Variants in RYR3 observed in about 807,000 individuals in gnomAD.
RYR3 encodes the protein ryanodine receptor 3, also known as brain ryanodine receptor-calcium release channel.
Under a neutral mutation model 584.3 loss-of-function variants are expected in RYR3, and 207 were observed. The ratio of observed to expected loss-of-function variants is 0.35; its 90% confidence interval spans 0.32 to 0.40. The LOEUF is 0.40. Ranked by LOEUF, RYR3 falls within the 10% of genes least tolerant of loss-of-function variation. The pLI, the probability that RYR3 is intolerant of heterozygous loss-of-function variation, is 1.00. For synonymous variants in RYR3, 2,416 were observed against 2,248.5 expected (o/e 1.07, Z -2.11); for missense variants, 5,616 against 6,089.2 (o/e 0.92, Z 2.59).
chr15:33,357,049 A>G (rs898819834), intron 1 of RYR3, among the ~76,000 whole-genome samples: 4 of 151,990 alleles, frequency 2.6e-5, no homozygotes, highest in African/African-American at 9.7e-5. Context: ...TCACTTGTCT[A>G]TCTCACCTGC....
intron 27 of RYR3, among the ~76,000 whole-genome samples, chr15:33,636,824 G>T (rs1347104322): frequency 1.3e-5 from 2 of 152,214 alleles, no homozygotes; most frequent in South Asian, 4.1e-4. Flanking sequence ...GGCATTTTAA[G>T]ATTCTCCAGG....
At chr15:33,503,362 C>CTG (rs149795411) in intron 2 of RYR3, among the ~76,000 whole-genome samples, 2,338 of 152,276 alleles carry the variant, frequency 0.015, 60 homozygotes, top group African/African-American at 0.054. Flanking sequence ...AAGGCTATAT[C>CTG]TGTGTTCTTC....
At position 33,552,438 on chromosome 15, in the gene RYR3, C is replaced by T. The variant is rs190705842; in HGVS notation, c.972+2122C>T. ...GCATGGGTGGAAAGTCGTCATGGTA[C>T]CACGGGGGCCATCGGCATAGCAGAG... On this transcript the variant is annotated intron_variant, in intron 10 of 103. Transcript: ENST00000634891. 2.0e-5 allele frequency among the ~76,000 whole-genome samples: 3 copies of T among 152,284 alleles called. No homozygotes were observed. The East Asian group carries it at 5.8e-4, about 29-fold the overall frequency.
At chr15:33,459,639 T>A (rs2047852536) in intron 1 of RYR3, among the ~76,000 whole-genome samples, 2 of 151,994 alleles carry the variant, frequency 1.3e-5, no homozygotes, top group Non-Finnish European at 2.9e-5. Flanking sequence ...CACCAAGACT[T>A]TGGGTATCAC....
chr15:33,318,505 G>A (rs890630532), intron 1 of RYR3, among the ~76,000 whole-genome samples: 1 of 152,202 alleles, frequency 6.6e-6, no homozygotes, highest in East Asian at 1.9e-4. Flanking sequence ...GAATTGGGTT[G>A]GAGAAAGGTG....
At chr15:33,408,452 G>T (rs1298874965) in intron 1 of RYR3, among the ~76,000 whole-genome samples, 3 of 152,158 alleles carry the variant, frequency 2.0e-5, no homozygotes, top group African/African-American at 7.2e-5. Flanking sequence ...TGTGAATAGT[G>T]CTGTGATAAA....
rs1555401713 is a variant in RYR3 at position 33,669,857 on chromosome 15, G to GGGGGT, written c.5722+402_5722+403insGGGTG. Among the ~76,000 whole-genome samples the GGGGGT allele has an allele frequency of 2.8e-4, 17 of 60,248 alleles. 1 individual carries two copies. Among genetic ancestry groups the GGGGGT allele is most frequent in the East Asian group, 4.8e-4 (1 of 2,074 alleles). The allele number at this position is 60,248 out of a possible 152,430, so 39.5% of individuals were successfully genotyped here. On this transcript the variant is annotated intron_variant, in intron 37 of 103. Transcript: ENST00000634891. ...GTGTGTGTGTGTGGGGGGGGGGGGG[G>GGGGGT]GTGTGGGTGTGTGGGTGTGTGTGGT...
chr15:33,526,366 C>G (rs187273500), intron 3 of RYR3, among the ~76,000 whole-genome samples: 16 of 152,292 alleles, frequency 1.1e-4, no homozygotes, highest in South Asian at 1.0e-3. Context: ...CGAGATGGAA[C>G]CAAATATTTT....
At chr15:33,511,470 G>A (rs907170379) in intron 3 of RYR3, among the ~76,000 whole-genome samples, 5 of 151,640 alleles carry the variant, frequency 3.3e-5, no homozygotes, top group South Asian at 2.1e-4. Context: ...GTGATCTCTC[G>A]GAATGGGTAT....
At chr15:33,723,638 G>A (rs186992421) in intron 44 of RYR3, among the ~76,000 whole-genome samples, 11 of 152,222 alleles carry the variant, frequency 7.2e-5, no homozygotes, top group Non-Finnish European at 1.3e-4. Flanking sequence ...ATACGCTTTC[G>A]CCACTTCCTC....
intron 10 of RYR3, among the ~76,000 whole-genome samples, chr15:33,555,678 A>G (rs2057022656): frequency 2.0e-5 from 3 of 152,204 alleles, no homozygotes; most frequent in Admixed American, 2.0e-4. Flanking sequence ...CAGGAAGATG[A>G]CCTGGTAGTT....
intron 1 of RYR3, among the ~76,000 whole-genome samples, chr15:33,314,603 C>T (rs954731828): frequency 6.6e-6 from 1 of 152,194 alleles, no homozygotes; most frequent in Non-Finnish European, 1.5e-5. Context: ...ACTGCCTTTC[C>T]ACCACAATGT....
At chr15:33,577,102 G>A (rs11858462) in intron 12 of RYR3, among the ~76,000 whole-genome samples, 5 of 151,742 alleles carry the variant, frequency 3.3e-5, no homozygotes, top group Non-Finnish European at 5.9e-5. Flanking sequence ...AAAAACACTC[G>A]TCAAAGAAAT....
chr15:33,313,905 C>G (rs1033311431), intron 1 of RYR3, among the ~76,000 whole-genome samples: 2 of 152,140 alleles, frequency 1.3e-5, no homozygotes, highest in African/African-American at 4.8e-5. Context: ...TATAATAGTG[C>G]CAAAAATGAA....
chr15:33,572,666 C>CAT (rs1431037350), intron 12 of RYR3, among the ~76,000 whole-genome samples: 1 of 126,936 alleles, frequency 7.9e-6, no homozygotes, highest in Non-Finnish European at 1.7e-5. Context: ...TATACACACA[C>CAT]ACACACACAC....
intron 16 of RYR3, among the ~76,000 whole-genome samples, chr15:33,587,171 A>G (rs908200263): frequency 2.0e-5 from 3 of 152,344 alleles, no homozygotes; most frequent in East Asian, 1.9e-4. Context: ...AAAGAAATAC[A>G]TGGGATCTGA....
At position 33,359,785 on chromosome 15, in the gene RYR3, AT is replaced by A. The variant is rs1202893811; in HGVS notation, c.51+48697del. On this transcript the variant is annotated intron_variant, in intron 1 of 103. Transcript: ENST00000634891. ...AGGCGCCCACCACCAAGCCTGGCTA[AT>A]TTTTTTTGTATTTTTTAGTGGAGAC... Among the ~76,000 whole-genome samples, 9 of 151,246 alleles carry A rather than the reference AT, an allele frequency of 6.0e-5. No homozygotes were observed. In the East Asian group the frequency reaches 1.6e-3, roughly 26 times the overall value.
chr15:33,677,308 T>G (rs1369070661), intron 38 of RYR3, among the ~76,000 whole-genome samples: 1 of 152,124 alleles, frequency 6.6e-6, no homozygotes, highest in Non-Finnish European at 1.5e-5. Context: ...TTCTCTATAT[T>G]GAAACTAAAA....
intron 1 of RYR3, among the ~76,000 whole-genome samples, chr15:33,423,714 T>A (rs2044403810): frequency 1.3e-5 from 2 of 152,232 alleles, no homozygotes; most frequent in Non-Finnish European, 2.9e-5. Flanking sequence ...AATCTCATTG[T>A]GCTCTTATGC....
Sources: allele counts gnomAD v4.1 joint callset (sites outside exome capture counted in the v4.1 genomes callset), GRCh38; gene constraint gnomAD v4.1.1; transcripts MANE v1.5; gene names NCBI Gene and HGNC (gene_info 2026-07-23, HGNC 2026-07-21).